The following GALNT11 variants were observed in gnomAD, a reference collection of about 807,000 sequenced individuals.
The protein encoded by GALNT11 is polypeptide N-acetylgalactosaminyltransferase 11.
In GALNT11, 47 loss-of-function variants were observed where a neutral mutation model predicts 72.7. The observed-to-expected ratio is 0.65, with a 90% CI of 0.51 to 0.82. GALNT11 has a LOEUF of 0.82. GALNT11 is among the 40% of genes least tolerant of loss of function. The pLI is 0.00. For missense variants in GALNT11, 677 were observed against 778.4 expected (o/e 0.87, Z 1.55); for synonymous variants, 270 against 286.6 (o/e 0.94, Z 0.58).
chr7:152,096,322 T>C (rs1307001266), intron 2 of GALNT11, among the ~76,000 whole-genome samples: 2 of 152,116 alleles, frequency 1.3e-5, no homozygotes, highest in East Asian at 1.9e-4. Context: ...CAAAACAGTC[T>C]GAAAAAGAAC....
intron 1 of GALNT11, among the ~76,000 whole-genome samples, chr7:152,049,349 A>T (rs1175452512): frequency 6.6e-6 from 1 of 152,222 alleles, no homozygotes; most frequent in Non-Finnish European, 1.5e-5. Context: ...CTTAGATGAC[A>T]CCCCAAGCCC....
intron 5 of GALNT11, among the ~76,000 whole-genome samples, chr7:152,106,287 C>G (rs532978178): frequency 6.6e-6 from 1 of 152,334 alleles, no homozygotes; most frequent in Non-Finnish European, 1.5e-5. Context: ...ATATTCCACG[C>G]TCTCCTAGAT....
chr7:152,104,216 A>C (rs967264268), intron 4 of GALNT11: 3 of 152,222 alleles, frequency 2.0e-5, no homozygotes, highest in Non-Finnish European at 4.4e-5. Flanking sequence ...CATAGCTGTT[A>C]AGTAGTAGAG....
At chr7:152,098,066 G>A (rs1406041285) in intron 2 of GALNT11, among the ~76,000 whole-genome samples, 1 of 152,164 alleles carries the variant, frequency 6.6e-6, no homozygotes, top group Non-Finnish European at 1.5e-5. Context: ...GAAGGAATTA[G>A]TATAAATAAT....
intron 8 of GALNT11, among the ~76,000 whole-genome samples, chr7:152,116,099 T>C (rs1450482513): frequency 1.3e-5 from 2 of 152,170 alleles, no homozygotes; most frequent in Non-Finnish European, 2.9e-5. Flanking sequence ...ATATATAATT[T>C]TTTGATATTG....
chr7:152,068,816 A>G (rs1288050386), intron 1 of GALNT11, among the ~76,000 whole-genome samples: 2 of 150,760 alleles, frequency 1.3e-5, no homozygotes, highest in Admixed American at 6.6e-5. Flanking sequence ...TTTTTATTGT[A>G]TTTTTTTCTT....
At position 152,108,120 on chromosome 7, in the gene GALNT11, C is replaced by T; in HGVS notation, c.795C>T (p.Asp265=). 1 of 1,614,088 alleles carries T rather than the reference C, an allele frequency of 6.2e-7. No individual in the cohort carries two copies. ...LQPLLAAIRE[D]RHTVVCPVID... Reference sequence around the variant, plus strand: ...CCTTGCTGGCCGCCATCCGTGAGGACCGGCACACCGTGGTGTGCCCAGTGA... The same window carrying T: ...CCTTGCTGGCCGCCATCCGTGAGGATCGGCACACCGTGGTGTGCCCAGTGA... Residue 265 remains aspartate (D), a synonymous_variant, in exon 6 of 12, where the codon GAC becomes GAT. Coordinates refer to ENST00000430044, the MANE Select transcript of GALNT11 (RefSeq NM_022087.4).
Position 152,070,000 on chromosome 7 carries a change from TTTC to T in GALNT11, c.-38-24187_-38-24185del, listed in dbSNP as rs1563055873. Among the ~76,000 whole-genome samples, 12 of 150,432 alleles carry T rather than the reference TTTC, an allele frequency of 8.0e-5. No individual in the cohort carries two copies. In the South Asian group the frequency reaches 8.4e-4, roughly 11 times the overall value. ...TTCTTTTTTCTTTTTTCTTTTTCTT[TTTC>T]TTTTTTTTTTTGAGACAGAGTCTCC... On this transcript the variant is annotated intron_variant, in intron 1 of 11. Coordinates refer to ENST00000430044, the MANE Select transcript of GALNT11 (RefSeq NM_022087.4).
At position 152,121,671 on chromosome 7, in the gene GALNT11, AG is replaced by A; in HGVS notation, c.1823del (p.Gly608ValfsTer24). On this transcript the variant is annotated frameshift_variant, in exon 12 of 12. Coordinates refer to ENST00000430044, the MANE Select transcript of GALNT11 (RefSeq NM_022087.4). LOFTEE classifies it high-confidence loss of function. ...CCTCTTCACAGCAGTGGCATTTGGA[AG>A]GTTAAGGTGGATGCTGTGGTGGGAA... ...GSSSQQWHLE[G>X] 6.2e-7 allele frequency: 1 copy of A among 1,613,698 alleles called. No homozygotes were observed. Among genetic ancestry groups the A allele is most frequent in the Non-Finnish European group, 8.5e-7 (1 of 1,179,830 alleles).
chr7:152,074,697 C>T (rs1334002996), intron 1 of GALNT11, among the ~76,000 whole-genome samples: 1 of 152,158 alleles, frequency 6.6e-6, no homozygotes, highest in Admixed American at 6.5e-5. Flanking sequence ...GGTTAAATCT[C>T]AGTCTGACAG....
chr7:152,028,646 G>A (rs533491319), intron 1 of GALNT11, among the ~76,000 whole-genome samples: 102 of 151,582 alleles, frequency 6.7e-4, no homozygotes, highest in African/African-American at 2.3e-3. Context: ...GTCCCCACCC[G>A]ACCCAGAAGC....
At chr7:152,066,661 G>A (rs892274127) in intron 1 of GALNT11, among the ~76,000 whole-genome samples, 4 of 152,192 alleles carry the variant, frequency 2.6e-5, no homozygotes, top group Non-Finnish European at 5.9e-5. Context: ...ATAAGCCATT[G>A]TAGGGTTATT....
At chr7:152,043,970 C>T (rs1419678375) in intron 1 of GALNT11, among the ~76,000 whole-genome samples, 1 of 152,208 alleles carries the variant, frequency 6.6e-6, no homozygotes, top group Non-Finnish European at 1.5e-5. Context: ...TGTCCTCCAG[C>T]TTAGTTCCAC....
intron 1 of GALNT11, among the ~76,000 whole-genome samples, chr7:152,072,223 G>A (rs1299175567): frequency 6.6e-6 from 1 of 150,718 alleles, no homozygotes; most frequent in Non-Finnish European, 1.5e-5. Flanking sequence ...GGAGGCTGAG[G>A]CAGAAGAATT....
chr7:152,101,261 T>C (rs1242862907), intron 3 of GALNT11, among the ~76,000 whole-genome samples: 1 of 152,142 alleles, frequency 6.6e-6, no homozygotes, highest in Admixed American at 6.5e-5. Flanking sequence ...AGAATTTTAC[T>C]CTCATTTCAC....
At chr7:152,108,462 A>G (rs1402630364) in intron 6 of GALNT11, among the ~76,000 whole-genome samples, 175 bp downstream of exon 6, 2 of 152,212 alleles carry the variant, frequency 1.3e-5, no homozygotes, top group Non-Finnish European at 2.9e-5. Context: ...AGTCCTAAGG[A>G]AAGATTTATG....
intron 11 of GALNT11, among the ~76,000 whole-genome samples, chr7:152,121,246 G>T (rs1260014107): frequency 6.6e-6 from 1 of 152,236 alleles, no homozygotes; most frequent in African/African-American, 2.4e-5. Flanking sequence ...TGGTTGCGCA[G>T]TGGCTCCCGC....
rs10251042 is a variant in GALNT11 at position 152,032,574 on chromosome 7, T to G, written c.-39+6690T>G. ...CATTTCTTTACTAAGCCTTGAGCTT[T>G]TACATGTTTAACAATATCCTGTAAT... On this transcript the variant is annotated intron_variant, in intron 1 of 11. Coordinates refer to ENST00000430044, the MANE Select transcript of GALNT11 (RefSeq NM_022087.4). Among the ~76,000 whole-genome samples, 1,132 of 152,346 alleles carry G rather than the reference T, an allele frequency of 7.4e-3. 16 individuals carry two copies. Among genetic ancestry groups the G allele is most frequent in the African/African-American group, 0.026 (1,092 of 41,584 alleles).
intron 1 of GALNT11, among the ~76,000 whole-genome samples, chr7:152,086,836 A>C (rs2085678882): frequency 6.6e-6 from 1 of 152,210 alleles, no homozygotes; most frequent in South Asian, 2.1e-4. Context: ...TGAGACAATA[A>C]ATTCCTGAGT....
Sources: allele counts gnomAD v4.1 joint callset (sites outside exome capture counted in the v4.1 genomes callset), GRCh38; gene constraint gnomAD v4.1.1; transcripts MANE v1.5; gene names NCBI Gene and HGNC (gene_info 2026-07-23, HGNC 2026-07-21).